ZSWIM2: variants seen among roughly 807,000 people sequenced by gnomAD.
ZSWIM2 encodes the protein E3 ubiquitin-protein ligase ZSWIM2.
Under a neutral mutation model 48.4 loss-of-function variants are expected in ZSWIM2, and 38 were observed. The ratio of observed to expected loss-of-function variants is 0.79; its 90% CI spans 0.61 to 1.03. The LOEUF is 1.03. Among genes scored for constraint, ZSWIM2 ranks in the 50% least tolerant of loss-of-function variants. The probability of loss-of-function intolerance (pLI) is 0.00; values close to 1 mark genes in which losing one functional copy is unlikely to be tolerated. For missense variants in ZSWIM2, 776 were observed against 730.2 expected, an observed-to-expected ratio of 1.06 and a Z score of -0.72; for synonymous variants, 240 against 251.3, an observed-to-expected ratio of 0.96 and a Z score of 0.42.
At chr2:186,839,815 A>G (rs1442876743) in intron 3 of ZSWIM2, among the ~76,000 whole-genome samples, 1 of 151,516 alleles carries the variant, frequency 6.6e-6, no homozygotes, top group Non-Finnish European at 1.5e-5. Context: ...CAATCCTTAA[A>G]GGAATGATGT....
chr2:186,833,909 T>C (rs560447554), intron 6 of ZSWIM2, 37 bp downstream of exon 6: 1 of 1,522,190 alleles, frequency 6.6e-7, no homozygotes, highest in Non-Finnish European at 9.1e-7. Flanking sequence ...ACAGGACAAA[T>C]AGAAACACTG....
chr2:186,829,967 T>A (rs1691669611), intron 7 of ZSWIM2, 87 bp from the exon 8 acceptor site: 1 of 1,362,978 alleles, frequency 7.3e-7, no homozygotes, highest in Non-Finnish European at 1.0e-6. Flanking sequence ...AGTCTCTATA[T>A]AAATAATGCA....
At chr2:186,832,881 T>G (rs1052564768) in intron 7 of ZSWIM2, among the ~76,000 whole-genome samples, 8 of 152,160 alleles carry the variant, frequency 5.3e-5, no homozygotes, top group African/African-American at 1.7e-4. Context: ...ATGTGGCAGA[T>G]AGAAGTGAAG....
At chr2:186,846,985 T>C (rs762237666) in intron 2 of ZSWIM2, among the ~76,000 whole-genome samples, 22 of 151,662 alleles carry the variant, frequency 1.5e-4, no homozygotes, top group Non-Finnish European at 2.9e-4. Flanking sequence ...ATGGGTCACA[T>C]GGACATATAG....
At chr2:186,844,656 T>C in intron 3 of ZSWIM2, 61 bp downstream of exon 3, 2 of 1,441,846 alleles carry the variant, frequency 1.4e-6, no homozygotes, top group Non-Finnish European at 1.9e-6. Flanking sequence ...TTCTTATATT[T>C]GTTAACTTCA....
intron 8 of ZSWIM2, 60 bp from the exon 9 acceptor site, chr2:186,828,850 G>T: frequency 9.9e-7 from 1 of 1,015,166 alleles, no homozygotes; most frequent in Non-Finnish European, 1.3e-6. Flanking sequence ...TATTATTCAA[G>T]TAAATTTCCC....
At chr2:186,837,640 T>C (rs906128406) in intron 4 of ZSWIM2, 86 bp from the exon 5 acceptor site, 11 of 436,422 alleles carry the variant, frequency 2.5e-5, no homozygotes, top group Non-Finnish European at 3.5e-5. Context: ...TATATATATA[T>C]TTATATAAAT....
rs755567842 is a variant in ZSWIM2 at position 186,849,080 on chromosome 2, C to T, written c.51G>A (p.Glu17=). Reference sequence around the variant, plus strand: ...CCTGGTCTTGGTGCCAGCTGAGCCTCTCGCTCAAGTGTCTTCGCCTTTCAG... The same window carrying T: ...CCTGGTCTTGGTGCCAGCTGAGCCTTTCGCTCAAGTGTCTTCGCCTTTCAG... The part of the protein sequence containing the change: ...KASERRRHLS[E]RLSWHQDQAL... Residue 17 remains glutamate, a synonymous_variant, in exon 1 of 9, where the codon GAG becomes GAA. Coordinates refer to ENST00000295131, the MANE Select transcript of ZSWIM2 (RefSeq NM_182521.3). The T allele has an allele frequency of 3.1e-6, 5 of 1,613,968 alleles. No homozygotes were observed. In the Admixed American group the frequency reaches 8.3e-5, roughly 27 times the overall value.
chr2:186,834,126 A>G, intron 5 of ZSWIM2, 96 bp from the exon 6 acceptor site: 1 of 841,094 alleles, frequency 1.2e-6, no homozygotes, highest in Non-Finnish European at 1.9e-6. Context: ...CCTGGGAACA[A>G]TCCAAACATG....
intron 3 of ZSWIM2, among the ~76,000 whole-genome samples, chr2:186,843,402 TGCAAAG>T (rs1376421387): frequency 6.6e-6 from 1 of 151,546 alleles, no homozygotes; most frequent in Non-Finnish European, 1.5e-5. Flanking sequence ...AAAGACAAAG[TGCAAAG>T]TTCAGGCATT....
rs973596425 is a variant in ZSWIM2 at position 186,837,612 on chromosome 2, G to GTGTATA, written c.495-59_495-58insTATACA. On this transcript the variant is annotated intron_variant, in intron 4 of 8. Coordinates refer to ENST00000295131, the MANE Select transcript of ZSWIM2 (RefSeq NM_182521.3). The stretch of plus-strand genomic sequence containing the variant: ...TATAGAGCAGTTTTACATATCCATT[G>GTGTATA]TATATATATATATATATTATATATA... 8.9e-3 allele frequency: 4,351 copies of GTGTATA among 488,040 alleles called. 159 individuals carry two copies. Among genetic ancestry groups the GTGTATA allele is most frequent in the African/African-American group, 0.083 (3,908 of 47,162 alleles). The allele number at this position is 488,040 out of a possible 1,614,324, so 30.2% of individuals were successfully genotyped here.
intron 3 of ZSWIM2, among the ~76,000 whole-genome samples, chr2:186,842,222 CTAA>C (rs1237641338): frequency 6.6e-6 from 1 of 151,130 alleles, no homozygotes; most frequent in Non-Finnish European, 1.5e-5. Context: ...ATACATAATC[CTAA>C]TGAGTAATTA....
chr2:186,843,531 G>A (rs1691945319), intron 3 of ZSWIM2, among the ~76,000 whole-genome samples: 1 of 151,576 alleles, frequency 6.6e-6, no homozygotes, highest in South Asian at 2.1e-4. Context: ...TGTAAAACAA[G>A]CAGGATTTGT....
chr2:186,840,623 C>A (rs1041146466), intron 3 of ZSWIM2, among the ~76,000 whole-genome samples: 9 of 151,216 alleles, frequency 6.0e-5, no homozygotes, highest in African/African-American at 2.2e-4. Context: ...TAACTCAAAC[C>A]AAATACCAAC....
At chr2:186,848,897 G>C (rs1692051101) in intron 1 of ZSWIM2, 69 bp downstream of exon 1, 5 of 1,591,702 alleles carry the variant, frequency 3.1e-6, no homozygotes, top group Non-Finnish European at 4.3e-6. Context: ...ACGCACATTG[G>C]GTATGCCAGT....
chr2:186,844,248 GTA>G (rs1319651607), intron 3 of ZSWIM2, among the ~76,000 whole-genome samples: 1 of 151,374 alleles, frequency 6.6e-6, no homozygotes, highest in Non-Finnish European at 1.5e-5. Context: ...CTCAATTTAA[GTA>G]CTCACTTAAA....
rs368280168 is a variant in ZSWIM2, at chr2:186,828,273, T to C, written c.1613A>G (p.His538Arg). ...TTTGGTCATCCGGCTTAGACTAGTG[T>C]GAAATTTTCCACTGATGCATGGACT... ...MESPCISGKF[H>R]TSLSRMTKGC... The change falls in exon 9 of 9, where the codon CAC (histidine) becomes CGC (arginine). Residue 538 changes from histidine (H) to arginine (R), a missense_variant. Coordinates refer to ENST00000295131, the MANE Select transcript of ZSWIM2 (RefSeq NM_182521.3). 6.2e-7 allele frequency: 1 copy of C among 1,613,734 alleles called. No homozygotes were observed.
At chr2:186,832,809 A>G (rs1240560073) in intron 7 of ZSWIM2, among the ~76,000 whole-genome samples, 1 of 152,140 alleles carries the variant, frequency 6.6e-6, no homozygotes, top group African/African-American at 2.4e-5. Context: ...AACTCATTTC[A>G]TACTCACAAA....
chr2:186,848,099 A>T (rs1234988856), intron 1 of ZSWIM2, among the ~76,000 whole-genome samples: 2 of 152,216 alleles, frequency 1.3e-5, no homozygotes, highest in Admixed American at 1.3e-4. Context: ...CCTCACAGTA[A>T]GGAAATTCTA....
Sources: gnomAD v4.1 joint callset for allele counts (sites outside exome capture counted in the v4.1 genomes callset) on GRCh38, gnomAD v4.1.1 for gene constraint, MANE v1.5 for transcripts, NCBI Gene and HGNC (gene_info 2026-07-23, HGNC 2026-07-21) for gene names.